Variants in SGCZ observed in about 807,000 individuals in gnomAD.
SGCZ encodes the protein zeta-sarcoglycan.
Under a neutral mutation model 41.3 loss-of-function variants are expected in SGCZ, and 40 were observed. That is an observed-to-expected ratio of 0.97 (90% CI 0.75 to 1.26). The LOEUF is 1.26. SGCZ is among the 50% of genes most tolerant of loss of function. SGCZ has a pLI of 0.00. For missense variants in SGCZ, 552 were observed against 369.8 expected, an observed-to-expected ratio of 1.49 and a Z score of -4.04; for synonymous variants, 206 against 137.5, an observed-to-expected ratio of 1.50 and a Z score of -3.49.
At chr8:14,393,450 G>C (rs1003916299) in intron 2 of SGCZ, among the ~76,000 whole-genome samples, 19 of 152,232 alleles carry the variant, frequency 1.2e-4, no homozygotes, top group African/African-American at 4.1e-4. Flanking sequence ...CAACTGGAAA[G>C]CCAATTTACA....
intron 1 of SGCZ, among the ~76,000 whole-genome samples, chr8:15,045,054 G>T (rs751652622): frequency 4.0e-5 from 6 of 151,820 alleles, no homozygotes; most frequent in Non-Finnish European, 5.9e-5. Context: ...TATAAGCCAT[G>T]TACACAGGAA....
chr8:14,581,947 T>G (rs1049328820), intron 1 of SGCZ, among the ~76,000 whole-genome samples: 4 of 152,142 alleles, frequency 2.6e-5, no homozygotes, highest in African/African-American at 9.7e-5. Flanking sequence ...TGCCTGTCTC[T>G]CATGCTTCCC....
At chr8:14,656,611 CCT>C (rs138779814) in intron 1 of SGCZ, among the ~76,000 whole-genome samples, 69,269 of 144,154 alleles carry the variant, frequency 0.48, 17,907 homozygotes, top group Non-Finnish European at 0.6. Flanking sequence ...CTCTCCCTCT[CCT>C]CTCTCTCTCT....
intron 1 of SGCZ, among the ~76,000 whole-genome samples, chr8:14,824,577 T>C (rs1333098984): frequency 6.6e-6 from 1 of 151,980 alleles, no homozygotes; most frequent in Non-Finnish European, 1.5e-5. Context: ...CATTTGAACT[T>C]TTAAAGCCTT....
chr8:15,093,803 C>A (rs1409069849), intron 1 of SGCZ, among the ~76,000 whole-genome samples: 9 of 152,204 alleles, frequency 5.9e-5, no homozygotes, highest in African/African-American at 2.2e-4. Context: ...CAGCAACCCA[C>A]ACAATAATCG....
intron 3 of SGCZ, chr8:14,309,658 A>T: frequency 6.2e-7 from 1 of 1,610,624 alleles, no homozygotes; most frequent in Non-Finnish European, 8.5e-7. Flanking sequence ...ACCACTAAAA[A>T]TAGGTTTGTT....
intron 4 of SGCZ, among the ~76,000 whole-genome samples, chr8:14,189,122 G>C (rs189517810): frequency 6.6e-6 from 1 of 151,448 alleles, no homozygotes; most frequent in South Asian, 2.1e-4. Flanking sequence ...GCCTCCCAAC[G>C]TGCTGGGATT....
At chr8:14,411,558 T>G (rs1443500739) in intron 2 of SGCZ, among the ~76,000 whole-genome samples, 1 of 152,062 alleles carries the variant, frequency 6.6e-6, no homozygotes, top group Admixed American at 6.6e-5. Context: ...CATAGAGAAA[T>G]ATATACTTCC....
chr8:14,363,524 T>G (rs1046621374), intron 2 of SGCZ, among the ~76,000 whole-genome samples: 3 of 152,104 alleles, frequency 2.0e-5, no homozygotes, highest in African/African-American at 7.2e-5. Context: ...TATCTTTCTT[T>G]TCTTTTCTTC....
At chr8:14,243,648 C>A (rs1798970921) in intron 3 of SGCZ, among the ~76,000 whole-genome samples, 1 of 152,182 alleles carries the variant, frequency 6.6e-6, no homozygotes, top group Non-Finnish European at 1.5e-5. Context: ...CCATGTTTGT[C>A]AACTACATAC....
At chr8:14,223,872 A>G (rs557297332) in intron 4 of SGCZ, among the ~76,000 whole-genome samples, 2 of 152,336 alleles carry the variant, frequency 1.3e-5, no homozygotes, top group South Asian at 4.1e-4. Flanking sequence ...TAGTATTACT[A>G]ATAGTGATAG....
chr8:15,158,655 G>A (rs866860304), intron 1 of SGCZ, among the ~76,000 whole-genome samples: 1 of 152,106 alleles, frequency 6.6e-6, no homozygotes, highest in Non-Finnish European at 1.5e-5. Context: ...TAATTCATGT[G>A]GAAAATATCT....
At chr8:14,803,678 G>T (rs941712265) in intron 1 of SGCZ, among the ~76,000 whole-genome samples, 1 of 152,104 alleles carries the variant, frequency 6.6e-6, no homozygotes, top group African/African-American at 2.4e-5. Flanking sequence ...GCCCAGGCTT[G>T]CTTAGGTAAA....
intron 1 of SGCZ, among the ~76,000 whole-genome samples, chr8:14,640,252 C>A (rs900707183): frequency 5.3e-5 from 8 of 151,642 alleles, no homozygotes; most frequent in Middle Eastern, 3.2e-3. Context: ...TTCAGAAGTT[C>A]CTTTTCTAAA....
intron 4 of SGCZ, among the ~76,000 whole-genome samples, chr8:14,232,190 C>G (rs1450655288): frequency 6.6e-6 from 1 of 151,692 alleles, no homozygotes; most frequent in East Asian, 1.9e-4. Context: ...AGCTGATTGA[C>G]ACACTCTGAG....
intron 2 of SGCZ, among the ~76,000 whole-genome samples, chr8:14,531,063 A>G (rs937323312): frequency 6.6e-6 from 1 of 152,048 alleles, no homozygotes; most frequent in South Asian, 2.1e-4. Flanking sequence ...GATGGAGTCC[A>G]TGGACCAGAC....
At chr8:15,144,902 G>A (rs1798997181) in intron 1 of SGCZ, among the ~76,000 whole-genome samples, 2 of 152,166 alleles carry the variant, frequency 1.3e-5, no homozygotes, top group South Asian at 4.1e-4. Context: ...TATGTAACCT[G>A]ATACATTCCA....
chr8:14,496,431 A>T (rs1212740630), intron 2 of SGCZ, among the ~76,000 whole-genome samples: 3 of 152,158 alleles, frequency 2.0e-5, no homozygotes, highest in Non-Finnish European at 2.9e-5. Flanking sequence ...TACAAGTAGT[A>T]AGTAGTATCT....
chr8:15,077,425 A>G (rs1248343779), intron 1 of SGCZ, among the ~76,000 whole-genome samples: 1 of 152,250 alleles, frequency 6.6e-6, no homozygotes, highest in Non-Finnish European at 1.5e-5. Flanking sequence ...ACTTGTTGCA[A>G]GAATTAGATT....
Sources: gnomAD v4.1 joint callset for allele counts (sites outside exome capture counted in the v4.1 genomes callset) on GRCh38, gnomAD v4.1.1 for gene constraint, MANE v1.5 for transcripts, NCBI Gene and HGNC (gene_info 2026-07-23, HGNC 2026-07-21) for gene names.